The following RALYL variants were observed in gnomAD, a reference collection of about 807,000 sequenced individuals.
RALYL encodes the protein RALY RNA binding protein like.
Under a neutral mutation model 35.1 loss-of-function variants are expected in RALYL, and 29 were observed. The observed-to-expected ratio is 0.83, with a 90% CI of 0.61 to 1.13. The LOEUF (loss-of-function observed/expected upper bound fraction) is 1.13. Ranked by LOEUF, RALYL falls within the 50% of genes most tolerant of loss-of-function variation. RALYL has a pLI of 0.00. For synonymous variants in RALYL, 120 were observed against 127.6 expected, an observed-to-expected ratio of 0.94 and a Z score of 0.40; for missense variants, 359 against 360.4, an observed-to-expected ratio of 1.00 and a Z score of 0.03.
At chr8:84,704,481 A>ACACACACACACAC (rs1840818637) in intron 2 of RALYL, among the ~76,000 whole-genome samples, 2 of 77,326 alleles carry the variant, frequency 2.6e-5, no homozygotes, top group Non-Finnish European at 5.1e-5. Context: ...ACACACACAC[A>ACACACACACACAC]CAACAACTCA....
At chr8:84,699,791 T>G (rs981755580) in intron 2 of RALYL, among the ~76,000 whole-genome samples, 1 of 152,160 alleles carries the variant, frequency 6.6e-6, no homozygotes. Context: ...ACCTTTTATG[T>G]GGCTATCATC....
chr8:84,394,248 C>G lies in RALYL; in HGVS notation c.-23-135051C>G, dbSNP rs148559177. On this transcript the variant is annotated intron_variant, in intron 1 of 8. Transcript: ENST00000521268. Reference sequence around the variant, plus strand: ...AAATAAATTCCAGGTGTAGCTTGTTCCATGCAAAAGGAATCAAGATTATTA... The same window carrying G: ...AAATAAATTCCAGGTGTAGCTTGTTGCATGCAAAAGGAATCAAGATTATTA... Among the ~76,000 whole-genome samples, 383 of 152,134 alleles carry G rather than the reference C, an allele frequency of 2.5e-3. 6 individuals are homozygous for G. The highest frequency in any genetic ancestry group is 3.2e-3 in the Non-Finnish European group (217 of 67,992).
intron 2 of RALYL, among the ~76,000 whole-genome samples, chr8:84,705,448 A>G (rs144539006): frequency 2.2e-4 from 34 of 152,288 alleles, no homozygotes; most frequent in African/African-American, 7.9e-4. Flanking sequence ...AAAATGTGCA[A>G]TTTCTGTTTT....
At chr8:84,592,698 T>G (rs1167828314) in intron 2 of RALYL, among the ~76,000 whole-genome samples, 1 of 152,124 alleles carries the variant, frequency 6.6e-6, no homozygotes, top group Admixed American at 6.6e-5. Flanking sequence ...AGAGGAAATA[T>G]CCACCAATTT....
At chr8:84,719,164 TA>T (rs1309592114) in intron 2 of RALYL, among the ~76,000 whole-genome samples, 1 of 152,180 alleles carries the variant, frequency 6.6e-6, no homozygotes, top group African/African-American at 2.4e-5. Context: ...GTCATTTGGC[TA>T]TAACCCCCAA....
intron 2 of RALYL, among the ~76,000 whole-genome samples, chr8:84,613,771 T>C (rs1186206724): frequency 6.6e-6 from 1 of 151,196 alleles, no homozygotes; most frequent in Non-Finnish European, 1.5e-5. Context: ...ATAGGTTTTT[T>C]AGTCTCTCAA....
intron 2 of RALYL, among the ~76,000 whole-genome samples, chr8:84,729,062 G>C (rs1310707761): frequency 6.6e-6 from 1 of 152,064 alleles, no homozygotes; most frequent in Non-Finnish European, 1.5e-5. Context: ...GAATTACCTT[G>C]GGCAGTATGG....
intron 5 of RALYL, among the ~76,000 whole-genome samples, chr8:84,860,766 A>T (rs1400303500): frequency 6.6e-6 from 1 of 152,044 alleles, no homozygotes; most frequent in Non-Finnish European, 1.5e-5. Flanking sequence ...TCCTTTCCAG[A>T]TATCTCTTAG....
At chr8:84,275,494 T>TA (rs1245968878) in intron 1 of RALYL, among the ~76,000 whole-genome samples, 18 of 151,386 alleles carry the variant, frequency 1.2e-4, no homozygotes, top group African/African-American at 4.4e-4. Flanking sequence ...TATATATATA[T>TA]TATGAAATGG....
At chr8:84,192,282 C>A (rs1262661103) in intron 1 of RALYL, among the ~76,000 whole-genome samples, 1 of 152,170 alleles carries the variant, frequency 6.6e-6, no homozygotes, top group Admixed American at 6.5e-5. Context: ...TGAGGTATTC[C>A]ACATTGAAGA....
intron 2 of RALYL, among the ~76,000 whole-genome samples, chr8:84,555,054 G>A (rs958570370): frequency 6.6e-6 from 1 of 152,160 alleles, no homozygotes; most frequent in Non-Finnish European, 1.5e-5. Flanking sequence ...GCTAAGGCGG[G>A]CAGATCACGA....
intron 6 of RALYL, among the ~76,000 whole-genome samples, chr8:84,871,891 C>T (rs929724465): frequency 6.6e-6 from 1 of 151,998 alleles, no homozygotes; most frequent in Non-Finnish European, 1.5e-5. Context: ...TTATCTTAAT[C>T]GACAAATAGT....
chr8:84,683,965 G>A (rs1440329958), intron 2 of RALYL, among the ~76,000 whole-genome samples: 1 of 152,134 alleles, frequency 6.6e-6, no homozygotes, highest in Non-Finnish European at 1.5e-5. Context: ...GCCTCCCAAA[G>A]TGGTGGGATT....
chr8:84,402,953 T>C (rs1403405210), intron 1 of RALYL, among the ~76,000 whole-genome samples: 2 of 152,222 alleles, frequency 1.3e-5, no homozygotes, highest in Non-Finnish European at 2.9e-5. Flanking sequence ...GCTGCATAAA[T>C]GTCTTCATTT....
intron 1 of RALYL, among the ~76,000 whole-genome samples, chr8:84,339,730 C>T (rs1449028156): frequency 1.3e-5 from 2 of 151,898 alleles, no homozygotes; most frequent in Admixed American, 6.6e-5. Flanking sequence ...ACATTTCCCC[C>T]GTAAGCATAG....
chr8:84,642,818 C>G (rs566895959), intron 2 of RALYL, among the ~76,000 whole-genome samples: 4 of 152,006 alleles, frequency 2.6e-5, no homozygotes, highest in Non-Finnish European at 5.9e-5. Context: ...GGAGAAGAAG[C>G]TTTTGAGCCA....
At chr8:84,780,606 T>C (rs906358035) in intron 3 of RALYL, among the ~76,000 whole-genome samples, 1 of 152,226 alleles carries the variant, frequency 6.6e-6, no homozygotes, top group Admixed American at 6.5e-5. Flanking sequence ...TTGTTCAGTT[T>C]GCTTGGTGGG....
intron 4 of RALYL, among the ~76,000 whole-genome samples, chr8:84,808,761 G>GCAGC (rs112184379): frequency 1.4e-4 from 21 of 151,962 alleles, no homozygotes; most frequent in African/African-American, 5.1e-4. Flanking sequence ...AAATTTTTTT[G>GCAGC]CAGCCATCGT....
intron 2 of RALYL, among the ~76,000 whole-genome samples, chr8:84,698,067 G>T (rs1166996559): frequency 3.3e-5 from 5 of 152,078 alleles, no homozygotes; most frequent in African/African-American, 1.2e-4. Flanking sequence ...CAACACATGA[G>T]ATAGTGGTAT....
Sources: allele counts gnomAD v4.1 joint callset (sites outside exome capture counted in the v4.1 genomes callset), GRCh38; gene constraint gnomAD v4.1.1; transcripts MANE v1.5; gene names NCBI Gene and HGNC (gene_info 2026-07-23, HGNC 2026-07-21).